The following ZUP1 variants were observed in gnomAD, a reference collection of about 807,000 sequenced individuals.
The protein encoded by ZUP1 is zinc finger containing ubiquitin peptidase 1, also known as zinc finger-containing ubiquitin peptidase 1.
Under a neutral mutation model 68.1 loss-of-function variants are expected in ZUP1, and 55 were observed. That is an observed-to-expected ratio of 0.81 (90% confidence interval 0.65 to 1.01). ZUP1 has a LOEUF of 1.01. ZUP1 is among the 50% of genes least tolerant of loss of function. The pLI is 0.00. For missense variants in ZUP1, 684 were observed against 674.9 expected, an observed-to-expected ratio of 1.01 and a Z score of -0.15; for synonymous variants, 223 against 221.5, an observed-to-expected ratio of 1.01 and a Z score of -0.06.
At chr6:116,642,004 A>C (rs1341330417) in intron 9 of ZUP1, among the ~76,000 whole-genome samples, 1 of 152,214 alleles carries the variant, frequency 6.6e-6, no homozygotes, top group Non-Finnish European at 1.5e-5. Context: ...TAAAGGGGAT[A>C]TCACCACCGA....
At chr6:116,668,333 A>G (rs1180313890) in intron 1 of ZUP1, among the ~76,000 whole-genome samples, 2 of 152,186 alleles carry the variant, frequency 1.3e-5, no homozygotes, top group Non-Finnish European at 2.9e-5. Context: ...ATGGACTCAG[A>G]TTAAGCGGGT....
intron 2 of ZUP1, among the ~76,000 whole-genome samples, chr6:116,664,893 C>T (rs1776952896): frequency 6.6e-6 from 1 of 151,890 alleles, no homozygotes; most frequent in Admixed American, 6.6e-5. Flanking sequence ...CACACACACA[C>T]ACACACACAC....
intron 4 of ZUP1, 41 bp from the exon 5 acceptor site, chr6:116,656,893 TGTAACTCTATGAGGATGGAAACTTA>T: frequency 1.5e-6 from 2 of 1,333,856 alleles, no homozygotes; most frequent in Non-Finnish European, 2.1e-6. Context: ...TTTACATCCC[TGTAACTCTATGAGGATGGAAACTTA>T]TTAAAATTTT....
rs1052381412 is a variant in ZUP1 at position 116,660,844 on chromosome 6, A to T, written c.562T>A (p.Cys188Ser). Residue 188 changes from cysteine to serine, a missense_variant and splice_region_variant, in exon 3 of 10, where the codon TGT becomes AGT. By Grantham distance (112) the Cys-to-Ser change is moderately radical. Transcript: ENST00000368576. ...GGACAATCATAGAGTGGTTGATCAC[A>T]GTCTGTATCAGAGATATAATTAAGT... ...ANLLDIPLED[C>S]DQPLYDCPMC... is the part of the protein sequence containing the mutation. 1 of 1,465,322 alleles carries T rather than the reference A, an allele frequency of 6.8e-7. No individual in the cohort carries two copies. The highest frequency in any genetic ancestry group is 1.4e-5 in the African/African-American group (1 of 70,226). 90.8% of individuals were successfully genotyped at this position (1,465,322 alleles called of 1,614,324 possible). A position where few individuals can be genotyped will look rare whatever the true frequency, so the allele number is the denominator to read the frequency against.
chr6:116,656,434 T>G (rs1321869710), intron 5 of ZUP1, among the ~76,000 whole-genome samples: 1 of 152,194 alleles, frequency 6.6e-6, no homozygotes, highest in African/African-American at 2.4e-5. Context: ...ATTATATATG[T>G]GGCTCACATT....
intron 7 of ZUP1, among the ~76,000 whole-genome samples, chr6:116,650,422 CA>C (rs61692064): frequency 1.1e-3 from 52 of 46,542 alleles, no homozygotes; most frequent in South Asian, 2.8e-3. Flanking sequence ...AACTCCGTCT[CA>C]AAAAAAAAAA....
intron 4 of ZUP1, 66 bp from the exon 5 acceptor site, chr6:116,656,918 A>C (rs1776686081): frequency 9.0e-7 from 1 of 1,111,006 alleles, no homozygotes; most frequent in Admixed American, 3.4e-5. Context: ...ATGGAAACTT[A>C]TTAAAATTTT....
chr6:116,647,363 A>G, intron 8 of ZUP1, 96 bp downstream of exon 8: 8 of 1,135,984 alleles, frequency 7.0e-6, no homozygotes, highest in Non-Finnish European at 9.4e-6. Context: ...TGTCTAAAAA[A>G]ACAAACAAAC....
intron 3 of ZUP1, among the ~76,000 whole-genome samples, 172 bp from the exon 4 acceptor site, chr6:116,659,096 G>C (rs1776755862): frequency 6.6e-6 from 1 of 152,150 alleles, no homozygotes; most frequent in African/African-American, 2.4e-5. Flanking sequence ...GCTTTGGTAA[G>C]GAATAACCTC....
chr6:116,663,988 G>A (rs1341474801), intron 2 of ZUP1, among the ~76,000 whole-genome samples: 1 of 151,874 alleles, frequency 6.6e-6, no homozygotes, highest in Non-Finnish European at 1.5e-5. Context: ...AGTTGAATAA[G>A]ACTAGATACC....
chr6:116,664,652 A>G (rs1776945349), intron 2 of ZUP1, among the ~76,000 whole-genome samples: 1 of 152,198 alleles, frequency 6.6e-6, no homozygotes, highest in Non-Finnish European at 1.5e-5. Context: ...TCTGATGTTG[A>G]TGACATTTTA....
chr6:116,663,255 C>A (rs1011340333), intron 2 of ZUP1, among the ~76,000 whole-genome samples: 3 of 152,082 alleles, frequency 2.0e-5, no homozygotes, highest in South Asian at 2.1e-4. Context: ...TTCATTACCC[C>A]CCTCATGTTT....
At position 116,651,612 on chromosome 6, in the gene ZUP1, C is replaced by T. The variant is rs761528497; in HGVS notation, c.1276G>A (p.Ala426Thr). The part of the protein sequence containing the change: ...RLQGTKAWIG[A>T]CEVYILLTSL... Reference sequence around the variant, plus strand: ...GTCAGGAGTATATATACTTCACATGCTCCAATCCAGGCCTTTGTTCCCTGT... The same window carrying T: ...GTCAGGAGTATATATACTTCACATGTTCCAATCCAGGCCTTTGTTCCCTGT... Residue 426 changes from alanine to threonine, a missense_variant, in exon 7 of 10, where the codon GCA (alanine) becomes ACA (threonine). Physicochemically the swap from Ala to Thr is moderately conservative, Grantham distance 58 (BLOSUM62 0). Coordinates refer to ENST00000368576, the MANE Select transcript of ZUP1 (RefSeq NM_145062.3). 5.6e-6 allele frequency: 9 copies of T among 1,613,774 alleles called. No homozygotes were observed. In the Admixed American group the frequency reaches 1.5e-4, roughly 27 times the overall value.
chr6:116,665,884 C>T (rs1776993207), intron 2 of ZUP1, among the ~76,000 whole-genome samples: 1 of 151,612 alleles, frequency 6.6e-6, no homozygotes, highest in East Asian at 1.9e-4. Flanking sequence ...AGCCACAACA[C>T]CTGGCTCCAC....
In ZUP1 at chr6:116,640,064, G is replaced by C. The variant is rs192365672; in HGVS notation, c.1690-4185C>G. ...ATGCAGAAGCCTCAGGAGCCAATGT[G>C]ATCAGCTGGAAGAAAGGGTATCAGC... On this transcript the variant is annotated intron_variant, in intron 9 of 9. Transcript: ENST00000368576. Among the ~76,000 whole-genome samples the C allele has an allele frequency of 2.8e-3, 430 of 152,338 alleles. 2 individuals carry two copies. The highest frequency in any genetic ancestry group is 5.3e-3 in the Non-Finnish European group (361 of 68,038).
chr6:116,656,789 C>T lies in ZUP1; in HGVS notation c.856G>A (p.Glu286Lys). 1 of 1,610,838 alleles carries T rather than the reference C, an allele frequency of 6.2e-7. No homozygotes were observed. Among genetic ancestry groups the T allele is most frequent in the Non-Finnish European group, 8.5e-7 (1 of 1,177,830 alleles). ...KQQQLRNMEIEVNRGRMPPSE... is the reference protein window; with the variant it reads ...KQQQLRNMEIKVNRGRMPPSE... ...GGAGGCATTCTTCCCCTATTTACTTCTATCTCCATATTTCGTAGTTGTTGT... is the reference window on the plus strand; with the variant it reads ...GGAGGCATTCTTCCCCTATTTACTTTTATCTCCATATTTCGTAGTTGTTGT... Residue 286 changes from glutamate to lysine, a missense_variant, in exon 5 of 10, where the codon GAA becomes AAA. Glu to Lys is a moderately conservative substitution (Grantham distance 56). Transcript: ENST00000368576.
At chr6:116,662,900 T>C (rs1776887576) in intron 2 of ZUP1, among the ~76,000 whole-genome samples, 1 of 152,230 alleles carries the variant, frequency 6.6e-6, no homozygotes, top group Admixed American at 6.5e-5. Context: ...TAATATTTTC[T>C]GAAGTCTTAG....
chr6:116,658,729 T>A, intron 4 of ZUP1, 74 bp downstream of exon 4: 2 of 1,393,452 alleles, frequency 1.4e-6, no homozygotes, highest in Non-Finnish European at 1.9e-6. Flanking sequence ...AGGACAAAAA[T>A]AATACACTGG....
chr6:116,647,455 T>G lies in ZUP1; in HGVS notation c.1468+4A>C, dbSNP rs770055732. 1.3e-6 allele frequency: 2 copies of G among 1,546,374 alleles called. No homozygotes were observed. The highest frequency in any genetic ancestry group is 2.5e-5 in the South Asian group (2 of 80,364). On this transcript the variant is annotated splice_donor_region_variant and intron_variant, in intron 8 of 9. Coordinates refer to ENST00000368576, the MANE Select transcript of ZUP1 (RefSeq NM_145062.3). ...TGTCAAATATGAGTTATATTAATAC[T>G]AACCTTGATGCTGAAGATAGATAGG...
Sources: allele counts gnomAD v4.1 joint callset (sites outside exome capture counted in the v4.1 genomes callset), GRCh38; gene constraint gnomAD v4.1.1; transcripts MANE v1.5; gene names NCBI Gene and HGNC (gene_info 2026-07-23, HGNC 2026-07-21).